The following CACNB2 variants were observed in gnomAD, a reference collection of about 807,000 sequenced individuals.
The protein encoded by CACNB2 is calcium voltage-gated channel auxiliary subunit beta 2, also known as voltage-dependent L-type calcium channel subunit beta-2.
CACNB2 carries 42 observed loss-of-function variants against 73.3 expected under a neutral mutation model. That is an observed-to-expected ratio of 0.57 (90% CI 0.45 to 0.74). The LOEUF (loss-of-function observed/expected upper bound fraction) is 0.74. CACNB2 is among the 30% of genes least tolerant of loss of function. CACNB2 has a pLI of 0.00. For missense variants in CACNB2, 940 were observed against 853.0 expected (o/e 1.10, Z -1.27); for synonymous variants, 348 against 310.3 (o/e 1.12, Z -1.28).
rs546641235 is a variant in CACNB2 at position 18,317,259 on chromosome 10, G to T, written c.214-84665G>T. Among the ~76,000 whole-genome samples, 1,141 of 151,274 alleles carry T rather than the reference G, an allele frequency of 7.5e-3. 17 individuals carry two copies. Among genetic ancestry groups the T allele is most frequent in the African/African-American group, 0.027 (1,102 of 41,146 alleles). ...TTTTTTTTTTAAATCTTTTTTAAAAGTTTAGATTTGGGGGTTACAGATGCA... is the reference window on the plus strand; with the variant it reads ...TTTTTTTTTTAAATCTTTTTTAAAATTTTAGATTTGGGGGTTACAGATGCA... On this transcript the variant is annotated intron_variant, in intron 2 of 13. Coordinates refer to ENST00000324631, the MANE Select transcript of CACNB2 (RefSeq NM_201596.3).
intron 2 of CACNB2, among the ~76,000 whole-genome samples, chr10:18,262,366 A>C (rs1201054304): frequency 6.6e-6 from 1 of 152,140 alleles, no homozygotes; most frequent in East Asian, 1.9e-4. Context: ...CCTTAAAGAG[A>C]GTATTCAATT....
intron 2 of CACNB2, among the ~76,000 whole-genome samples, chr10:18,368,029 A>G (rs2042427504): frequency 6.6e-6 from 1 of 152,210 alleles, no homozygotes; most frequent in African/African-American, 2.4e-5. Context: ...GTACAGTAGA[A>G]TGAGATTATT....
rs544997684 is a variant in CACNB2, at chr10:18,514,531, G to T, written c.804+162G>T. Reference sequence around the variant, plus strand: ...TGTAGCTAAGCAGAAGCAGAAATCGGTAAGTTTACATTGACATAAGCTGTG... The same window carrying T: ...TGTAGCTAAGCAGAAGCAGAAATCGTTAAGTTTACATTGACATAAGCTGTG... On this transcript the variant is annotated intron_variant, in intron 7 of 13. Coordinates refer to ENST00000324631, the MANE Select transcript of CACNB2 (RefSeq NM_201596.3). 1.1e-5 allele frequency: 17 copies of T among 1,613,794 alleles called. No homozygotes were observed. In the South Asian group the frequency reaches 1.9e-4, roughly 18 times the overall value.
In CACNB2 at chr10:18,240,321, T is replaced by C. The variant is rs145300048; in HGVS notation, c.213+89346T>C. Among the ~76,000 whole-genome samples the C allele has an allele frequency of 2.8e-4, 42 of 152,266 alleles. 1 individual carries two copies. In the East Asian group the frequency reaches 7.9e-3, roughly 29 times the overall value. ...AATCGCTAAACATCTTTTCTTCCTG[T>C]ATAAAACTTGACAAAAGCTTTGATT... On this transcript the variant is annotated intron_variant, in intron 2 of 13. Transcript: ENST00000324631.
rs1381621628 is a variant in CACNB2, at chr10:18,150,994, T to C, written c.213+19T>C. 1 of 1,475,638 alleles carries C rather than the reference T, an allele frequency of 6.8e-7. No individual in the cohort carries two copies. Among genetic ancestry groups the C allele is most frequent in the East Asian group, 2.3e-5 (1 of 44,092 alleles). 91.4% of individuals were successfully genotyped at this position (1,475,638 alleles called of 1,614,324 possible). ...TCGCCAGGTAAGAGTTTTAAGTTCATGGTTTTGATAAGTACCTTAAAATGA... is the reference window on the plus strand; with the variant it reads ...TCGCCAGGTAAGAGTTTTAAGTTCACGGTTTTGATAAGTACCTTAAAATGA... On this transcript the variant is annotated intron_variant, in intron 2 of 13. Transcript: ENST00000324631.
At chr10:18,224,139 GT>G (rs1266017019) in intron 2 of CACNB2, 1 of 152,010 alleles carries the variant, frequency 6.6e-6, no homozygotes, top group Non-Finnish European at 1.5e-5. Flanking sequence ...CTTTTGCAAT[GT>G]TTGCTTTTCC....
chr10:18,257,975 C>T (rs1267244899), intron 2 of CACNB2, among the ~76,000 whole-genome samples: 1 of 152,156 alleles, frequency 6.6e-6, no homozygotes, highest in Non-Finnish European at 1.5e-5. Flanking sequence ...AACTTCTGAC[C>T]TCAGGTGATC....
At chr10:18,225,578 CTCCTTCCTTCCT>C (rs56364247) in intron 2 of CACNB2, among the ~76,000 whole-genome samples, 16 of 137,132 alleles carry the variant, frequency 1.2e-4, no homozygotes, top group Admixed American at 9.4e-4. Flanking sequence ...CCCTCCCTCG[CTCCTTCCTTCCT>C]TCCTTCCTTC....
intron 3 of CACNB2, among the ~76,000 whole-genome samples, chr10:18,486,513 T>G (rs1291715816): frequency 6.6e-6 from 1 of 152,240 alleles, no homozygotes; most frequent in Non-Finnish European, 1.5e-5. Context: ...CCTGTGGGCC[T>G]CCACACAGCA....
chr10:18,298,526 G>T (rs547223682), intron 2 of CACNB2, among the ~76,000 whole-genome samples: 1 of 152,370 alleles, frequency 6.6e-6, no homozygotes, highest in East Asian at 1.9e-4. Flanking sequence ...GGGAGAACCA[G>T]TTGTGAATCA....
intron 2 of CACNB2, among the ~76,000 whole-genome samples, chr10:18,299,878 T>C (rs2039438850): frequency 6.6e-6 from 1 of 152,180 alleles, no homozygotes; most frequent in African/African-American, 2.4e-5. Context: ...ACCATGCTAC[T>C]TAAAATCACC....
At chr10:18,400,840 G>A in intron 2 of CACNB2, 1 of 1,464,520 alleles carries the variant, frequency 6.8e-7, no homozygotes, top group Non-Finnish European at 9.0e-7. Flanking sequence ...CCTGGAATGG[G>A]AAAATAAGAA....
chr10:18,405,982 C>T (rs12763280), intron 3 of CACNB2, among the ~76,000 whole-genome samples: 21,784 of 146,090 alleles, frequency 0.15, 2,222 homozygotes, highest in African/African-American at 0.3. Flanking sequence ...AAACAAAAAA[C>T]GATGGACTCA....
chr10:18,531,354 C>A (rs987130102), intron 10 of CACNB2, among the ~76,000 whole-genome samples: 5 of 152,150 alleles, frequency 3.3e-5, no homozygotes, highest in Non-Finnish European at 5.9e-5. Flanking sequence ...CCCTGATAGG[C>A]CCCAGTGTGT....
chr10:18,493,454 C>T (rs966716535), intron 3 of CACNB2, among the ~76,000 whole-genome samples: 2 of 152,194 alleles, frequency 1.3e-5, no homozygotes, highest in Non-Finnish European at 2.9e-5. Context: ...GCGTAAACCA[C>T]TGCACCCATC....
intron 11 of CACNB2, among the ~76,000 whole-genome samples, chr10:18,535,031 A>C (rs1030200854): frequency 1.3e-5 from 2 of 152,224 alleles, no homozygotes; most frequent in African/African-American, 4.8e-5. Flanking sequence ...CAAGCTTCCC[A>C]ATAAAGTTTT....
chr10:18,460,480 TC>T (rs1160254848), intron 3 of CACNB2, among the ~76,000 whole-genome samples: 1 of 152,212 alleles, frequency 6.6e-6, no homozygotes, highest in African/African-American at 2.4e-5. Context: ...TTCTATTTTT[TC>T]CTGTGGGAGT....
chr10:18,239,364 C>T (rs1049320856), intron 2 of CACNB2, among the ~76,000 whole-genome samples: 2 of 152,020 alleles, frequency 1.3e-5, no homozygotes, highest in African/African-American at 2.4e-5. Context: ...TGGGTCCATG[C>T]GTACACACTG....
chr10:18,405,539 T>A (rs2132568654), intron 3 of CACNB2, among the ~76,000 whole-genome samples: 1 of 152,290 alleles, frequency 6.6e-6, no homozygotes, highest in Non-Finnish European at 1.5e-5. Flanking sequence ...CACTTGATCA[T>A]CTCTTTTTAA....
Sources: gnomAD v4.1 joint callset for allele counts (sites outside exome capture counted in the v4.1 genomes callset) on GRCh38, gnomAD v4.1.1 for gene constraint, MANE v1.5 for transcripts, NCBI Gene and HGNC (gene_info 2026-07-23, HGNC 2026-07-21) for gene names.